OR6F1: variants seen among roughly 807,000 people sequenced by gnomAD.
The protein encoded by OR6F1 is olfactory receptor 6F1.
For missense variants in OR6F1, 346 were observed against 376.0 expected (o/e 0.92, Z 0.66); for synonymous variants, 144 against 150.0 (o/e 0.96, Z 0.29).
chr1:247,712,677 G>C lies in OR6F1; in HGVS notation c.79C>G (p.Leu27Val). 6.2e-7 allele frequency: 1 copy of C among 1,612,878 alleles called. No homozygotes were observed. The highest frequency in any genetic ancestry group is 8.5e-7 in the Non-Finnish European group (1 of 1,179,778). ...TACATCACCAGAAAAAGCATAAAGA[G>C]AGAGAGCTGAAGAGTTTGAGAACCA... ...FPGSQTLQLS[L>V]FMLFLVMYIL... is the part of the protein sequence containing the mutation. Residue 27 changes from leucine (L) to valine (V), a missense_variant, in exon 3 of 3, where the codon CTC becomes GTC. Leu to Val is a conservative substitution (Grantham distance 32). Transcript: ENST00000641470.
intron 2 of OR6F1, among the ~76,000 whole-genome samples, chr1:247,713,450 C>T (rs1404583457): frequency 6.6e-6 from 1 of 152,146 alleles, no homozygotes; most frequent in East Asian, 1.9e-4. Flanking sequence ...GAACAATACA[C>T]TGAAGCTAAC....
intron 2 of OR6F1, among the ~76,000 whole-genome samples, chr1:247,713,254 G>A (rs918890944): frequency 6.6e-6 from 1 of 151,864 alleles, no homozygotes; most frequent in Non-Finnish European, 1.5e-5. Flanking sequence ...AGTCACATAC[G>A]TATTTAGCAG....
rs1660000034 is a variant in OR6F1 at position 247,711,694 on chromosome 1, A to C, written c.*135T>G. On this transcript the variant is annotated 3_prime_UTR_variant, in exon 3 of 3. Coordinates refer to ENST00000641470, the MANE Select transcript of OR6F1 (RefSeq NM_001005286.2). ...ATACATGATAATGTATAGAAAATAC[A>C]GTATTGCTTGTTTTGTTTGTTTGTT... 2 of 627,516 alleles carry C rather than the reference A, an allele frequency of 3.2e-6. No individual in the cohort carries two copies. The highest frequency in any genetic ancestry group is 5.6e-6 in the Non-Finnish European group (2 of 355,096). The allele number at this position is 627,516 out of a possible 1,614,324, so 38.9% of individuals were successfully genotyped here.
At chr1:247,713,812 T>A in intron 2 of OR6F1, 79 bp downstream of exon 2, 1 of 398,042 alleles carries the variant, frequency 2.5e-6, no homozygotes, top group East Asian at 3.6e-5. Flanking sequence ...CCAAAGCTAC[T>A]GCATGTATCC....
rs1354613863 is a variant in OR6F1, at chr1:247,712,597, A to C, written c.159T>G (p.His53Gln). 1.9e-6 allele frequency: 3 copies of C among 1,614,002 alleles called. No individual in the cohort carries two copies. In the East Asian group the frequency reaches 6.7e-5, roughly 36 times the overall value. The change falls in exon 3 of 3, where the codon CAT becomes CAG. Residue 53 changes from histidine (H) to glutamine (Q), a missense_variant. Physicochemically the swap from His to Gln is conservative, Grantham distance 24. Transcript: ENST00000641470. ...VAILMLVSTSHQLHTPMYFFL... is the reference protein window; with the variant it reads ...VAILMLVSTSQQLHTPMYFFL... ...AGAAGTACATGGGGGTATGCAACTG[A>C]TGGGAGGTGCTCACCAACATCAAGA...
rs200056431 is a variant in OR6F1, at chr1:247,712,561, G to T, written c.195C>A (p.Asn65Lys). ...TATACCAAATCTCCAGGAAGGAGAG[G>T]TTGCTCAGAAAGAAGTACATGGGGG... ...LHTPMYFFLS[N>K]LSFLEIWYTT... Residue 65 changes from asparagine to lysine, a missense_variant, in exon 3 of 3, where the codon AAC becomes AAA. Asn to Lys is a moderately conservative substitution (Grantham distance 94, BLOSUM62 0). Coordinates refer to ENST00000641470, the MANE Select transcript of OR6F1 (RefSeq NM_001005286.2). The T allele has an allele frequency of 6.3e-5, 102 of 1,614,070 alleles. No homozygotes were observed. In the East Asian group the frequency reaches 1.1e-3, roughly 18 times the overall value.
intron 1 of OR6F1, among the ~76,000 whole-genome samples, 156 bp from the exon 2 acceptor site, chr1:247,714,110 T>A: frequency 6.6e-6 from 1 of 152,180 alleles, no homozygotes. Context: ...AGGTAATAAA[T>A]CTGCAGCTTT....
intron 2 of OR6F1, 81 bp from the exon 3 acceptor site, chr1:247,712,898 T>G (rs1660036470): frequency 1.8e-6 from 1 of 568,142 alleles, no homozygotes; most frequent in Non-Finnish European, 3.1e-6. Flanking sequence ...TAACTTTCAT[T>G]GAATGCCTGC....
chr1:247,711,718 T>C lies in OR6F1; in HGVS notation c.*111A>G, dbSNP rs951682164. 9 of 707,220 alleles carry C rather than the reference T, an allele frequency of 1.3e-5. No individual in the cohort carries two copies. Among genetic ancestry groups the C allele is most frequent in the Admixed American group, 2.4e-5 (1 of 41,906 alleles). 43.8% of individuals were successfully genotyped at this position (707,220 alleles called of 1,614,324 possible). On this transcript the variant is annotated 3_prime_UTR_variant, in exon 3 of 3. Transcript: ENST00000641470. ...CAGTATTGCTTGTTTTGTTTGTTTG[T>C]TTTTTCTCTGTGTACCAAGAAAGAT...
intron 1 of OR6F1, 56 bp from the exon 2 acceptor site, chr1:247,714,010 A>G (rs566776893): frequency 1.5e-5 from 6 of 398,516 alleles, no homozygotes; most frequent in South Asian, 1.3e-4. Flanking sequence ...CATGCAGCCT[A>G]TGGTTTTTCA....
In OR6F1 at chr1:247,712,574, A is replaced by G; in HGVS notation, c.182T>C (p.Phe61Ser). 6.2e-7 allele frequency: 1 copy of G among 1,614,152 alleles called. No individual in the cohort carries two copies. Among genetic ancestry groups the G allele is most frequent in the Non-Finnish European group, 8.5e-7 (1 of 1,180,004 alleles). ...CAGGAAGGAGAGGTTGCTCAGAAAG[A>G]AGTACATGGGGGTATGCAACTGATG... ...TSHQLHTPMY[F>S]FLSNLSFLEI... is the part of the protein sequence containing the mutation. Residue 61 changes from phenylalanine (F) to serine (S), a missense_variant, in exon 3 of 3, where the codon TTC becomes TCC. By Grantham distance (155) the Phe-to-Ser change is radical. Coordinates refer to ENST00000641470, the MANE Select transcript of OR6F1 (RefSeq NM_001005286.2).
At chr1:247,713,767 G>A (rs1660054601) in intron 2 of OR6F1, 124 bp downstream of exon 2, 4 of 395,394 alleles carry the variant, frequency 1.0e-5, no homozygotes, top group Non-Finnish European at 8.9e-6. Context: ...CTACCCTCGC[G>A]TTCACCAACG....
rs987526974 is a variant in OR6F1, at chr1:247,713,903, A to C, written c.-75T>G. ...ACATTGGCTTTACCTCATTGATGGC[A>C]GAAGGGGCTTCCAAGCAGTGCTTCT... On this transcript the variant is annotated 5_prime_UTR_variant, in exon 2 of 3. Coordinates refer to ENST00000641470, the MANE Select transcript of OR6F1 (RefSeq NM_001005286.2). 1 of 398,506 alleles carries C rather than the reference A, an allele frequency of 2.5e-6. No individual in the cohort carries two copies. The highest frequency in any genetic ancestry group is 2.1e-5 in the African/African-American group (1 of 48,650). The allele number at this position is 398,506 out of a possible 1,614,324, so 24.7% of individuals were successfully genotyped here.
intron 2 of OR6F1, among the ~76,000 whole-genome samples, chr1:247,713,399 A>G (rs1660048422): frequency 1.3e-5 from 2 of 151,298 alleles, no homozygotes; most frequent in South Asian, 4.2e-4. Flanking sequence ...TAAACATTAT[A>G]TGACAGATAC....
rs749647890 is a variant in OR6F1 at position 247,712,185 on chromosome 1, T to C, written c.571A>G (p.Asn191Asp). 25 of 1,614,124 alleles carry C rather than the reference T, an allele frequency of 1.5e-5. No homozygotes were observed. Among genetic ancestry groups the C allele is most frequent in the Non-Finnish European group, 1.7e-5 (20 of 1,179,980 alleles). ...GCCACAAGCTCTACTGCCTGTGTGT[T>C]GGTGCAGGCCAGGGCAATCCAGGGT... The part of the protein sequence containing the change: ...IAPWIALACT[N>D]TQAVELVAFV... Residue 191 changes from asparagine to aspartate, a missense_variant, in exon 3 of 3, where the codon AAC becomes GAC. By Grantham distance (23) the Asn-to-Asp change is conservative (BLOSUM62 1). Coordinates refer to ENST00000641470, the MANE Select transcript of OR6F1 (RefSeq NM_001005286.2).
Position 247,712,641 on chromosome 1 carries a change from C to G in OR6F1, c.115G>C (p.Val39Leu). ...MLFLVMYILT[V>L]SGNVAILMLV... is the part of the protein sequence containing the mutation. ...ATCAAGATAGCCACATTACCACTAA[C>G]TGTGAGGATGTACATCACCAGAAAA... is the stretch of plus-strand genomic sequence containing the variant. The change falls in exon 3 of 3, where the codon GTT (valine) becomes CTT (leucine). Residue 39 changes from valine to leucine, a missense_variant. Coordinates refer to ENST00000641470, the MANE Select transcript of OR6F1 (RefSeq NM_001005286.2). 1 of 1,613,414 alleles carries G rather than the reference C, an allele frequency of 6.2e-7. No homozygotes were observed. Among genetic ancestry groups the G allele is most frequent in the Non-Finnish European group, 8.5e-7 (1 of 1,179,412 alleles).
chr1:247,713,388 T>A (rs1660048296), intron 2 of OR6F1, among the ~76,000 whole-genome samples: 1 of 151,954 alleles, frequency 6.6e-6, no homozygotes, highest in African/African-American at 2.4e-5. Context: ...GATTTCATGT[T>A]TAAACATTAT....
chr1:247,713,746 C>T (rs899985405), intron 2 of OR6F1, 145 bp downstream of exon 2: 2 of 394,010 alleles, frequency 5.1e-6, no homozygotes, highest in African/African-American at 2.1e-5. Flanking sequence ...CTCTCTCCAT[C>T]CTCATGTGTC....
Position 247,712,693 on chromosome 1 carries a change from T to G in OR6F1, c.63A>C (p.Gln21His). Reference sequence around the variant, plus strand: ...GCATAAAGAGAGAGAGCTGAAGAGTTTGAGAACCAGGAAAGCCCAGTAAGA... The same window carrying G: ...GCATAAAGAGAGAGAGCTGAAGAGTGTGAGAACCAGGAAAGCCCAGTAAGA... ...DFLLLGFPGSQTLQLSLFMLF... is the reference protein window; with the variant it reads ...DFLLLGFPGSHTLQLSLFMLF... The change falls in exon 3 of 3, where the codon CAA (glutamine) becomes CAC (histidine). Residue 21 changes from glutamine to histidine, a missense_variant. Gln to His is a conservative substitution (Grantham distance 24, BLOSUM62 0). Transcript: ENST00000641470. 1.2e-6 allele frequency: 2 copies of G among 1,611,588 alleles called. No homozygotes were observed. The highest frequency in any genetic ancestry group is 1.7e-6 in the Non-Finnish European group (2 of 1,179,872).
Sources: allele counts gnomAD v4.1 joint callset (sites outside exome capture counted in the v4.1 genomes callset), GRCh38; gene constraint gnomAD v4.1.1; transcripts MANE v1.5; gene names NCBI Gene and HGNC (gene_info 2026-07-23, HGNC 2026-07-21).